DOCK5: variants seen among roughly 807,000 people sequenced by gnomAD.
DOCK5 encodes the protein dedicator of cytokinesis protein 5.
DOCK5 carries 142 observed loss-of-function variants against 251.8 expected under a neutral mutation model. The observed-to-expected ratio is 0.56, with a 90% CI of 0.49 to 0.65. The LOEUF (loss-of-function observed/expected upper bound fraction) is 0.65. Among genes scored for constraint, DOCK5 ranks in the 30% least tolerant of loss-of-function variants. The probability of loss-of-function intolerance (pLI) is 0.00; values close to 1 mark genes in which losing one functional copy is unlikely to be tolerated. For missense variants in DOCK5, 2,111 were observed against 2,312.3 expected (o/e 0.91, Z 1.79); for synonymous variants, 842 against 835.5 (o/e 1.01, Z -0.13).
chr8:25,395,602 C>T lies in DOCK5; in HGVS notation c.4587C>T (p.Ile1529=). 2 of 1,613,790 alleles carry T rather than the reference C, an allele frequency of 1.2e-6. No homozygotes were observed. ...CCATGGAGCTGACCAACGAGAGGAT[C>T]AGCAACTGTGTTCAGCAGCATGCCT... ...IETMELTNER[I]SNCVQQHAWD... is the part of the protein sequence containing the mutation. The change falls in exon 45 of 52, where the codon ATC becomes ATT. Residue 1529 remains isoleucine, a synonymous_variant. Transcript: ENST00000276440.
intron 2 of DOCK5, among the ~76,000 whole-genome samples, chr8:25,246,515 G>A (rs759650178): frequency 6.6e-6 from 1 of 152,172 alleles, no homozygotes; most frequent in African/African-American, 2.4e-5. Context: ...CTGACCTCAG[G>A]TGATCCGCCC....
chr8:25,389,855 C>G lies in DOCK5; in HGVS notation c.4274-351C>G, dbSNP rs554070649. 2.6e-5 allele frequency among the ~76,000 whole-genome samples: 4 copies of G among 152,238 alleles called. No homozygotes were observed. The East Asian group carries it at 7.7e-4, about 29-fold the overall frequency. On this transcript the variant is annotated intron_variant, in intron 41 of 51. Coordinates refer to ENST00000276440, the MANE Select transcript of DOCK5 (RefSeq NM_024940.8). Reference sequence around the variant, plus strand: ...AAAAGTAATTCTTGTTGCCTGGGCTCTGATTCTGGTGATTTCAGAGGGATG... The same window carrying G: ...AAAAGTAATTCTTGTTGCCTGGGCTGTGATTCTGGTGATTTCAGAGGGATG...
intron 14 of DOCK5, 78 bp from the exon 15 acceptor site, chr8:25,319,500 G>T: frequency 1.1e-6 from 1 of 938,670 alleles, no homozygotes; most frequent in African/African-American, 1.6e-5. Flanking sequence ...GGGGTGAGGG[G>T]CTTGTGCATG....
intron 16 of DOCK5, among the ~76,000 whole-genome samples, chr8:25,323,037 G>A (rs1445476728): frequency 6.6e-6 from 1 of 152,152 alleles, no homozygotes; most frequent in Non-Finnish European, 1.5e-5. Flanking sequence ...GGACCCAAGG[G>A]GCACAGCAGA....
At chr8:25,354,058 A>AG (rs1563213102) in intron 27 of DOCK5, among the ~76,000 whole-genome samples, 3 of 134,244 alleles carry the variant, frequency 2.2e-5, no homozygotes, top group African/African-American at 7.8e-5. Context: ...ACAAACAAAA[A>AG]AAAAAACGTA....
At chr8:25,281,832 T>C (rs2465001) in intron 5 of DOCK5, among the ~76,000 whole-genome samples, 17,137 of 148,240 alleles carry the variant, frequency 0.12, 1,230 homozygotes, top group East Asian at 0.21. Flanking sequence ...TGAGCCAAGA[T>C]TGTGCCATTG....
At chr8:25,368,827 C>A in intron 33 of DOCK5, 102 bp downstream of exon 33, 2 of 1,199,600 alleles carry the variant, frequency 1.7e-6, no homozygotes, top group Non-Finnish European at 2.2e-6. Flanking sequence ...TAATGCAAGT[C>A]CATGTTGATC....
intron 14 of DOCK5, among the ~76,000 whole-genome samples, chr8:25,318,483 C>A (rs1805324454): frequency 1.4e-5 from 2 of 146,938 alleles, no homozygotes; most frequent in East Asian, 2.0e-4. Context: ...TCTCCACTCC[C>A]CTCCCCCACT....
chr8:25,399,119 G>C (rs1247175740), intron 45 of DOCK5, among the ~76,000 whole-genome samples: 4 of 152,192 alleles, frequency 2.6e-5, no homozygotes, highest in African/African-American at 7.2e-5. Context: ...AAGAAAACAT[G>C]TCACTCCAAT....
At chr8:25,363,505 A>G (rs1800725293) in intron 29 of DOCK5, among the ~76,000 whole-genome samples, 1 of 152,222 alleles carries the variant, frequency 6.6e-6, no homozygotes, top group Non-Finnish European at 1.5e-5. Context: ...GTATTTAACC[A>G]GATTCTTCTT....
chr8:25,275,584 C>T (rs1804026919), intron 4 of DOCK5, 143 bp downstream of exon 4: 4 of 799,818 alleles, frequency 5.0e-6, no homozygotes, highest in African/African-American at 1.9e-5. Context: ...CCTGTAATCC[C>T]AGCACTTTGG....
In DOCK5 at chr8:25,325,477, A is replaced by C; in HGVS notation, c.1833A>C (p.Pro611=). 1 of 1,613,888 alleles carries C rather than the reference A, an allele frequency of 6.2e-7. No homozygotes were observed. Among genetic ancestry groups the C allele is most frequent in the Non-Finnish European group, 8.5e-7 (1 of 1,179,796 alleles). Residue 611 remains proline (P), a synonymous_variant, in exon 18 of 52, where the codon CCA becomes CCC. Coordinates refer to ENST00000276440, the MANE Select transcript of DOCK5 (RefSeq NM_024940.8). ...QASKNLVTFT[P]SKDSTKDSFQ... is the part of the protein sequence containing the mutation. ...CCAAAAACCTGGTCACCTTCACCCC[A>C]AGCAAGGATAGCACTAAAGACAGCT...
intron 21 of DOCK5, among the ~76,000 whole-genome samples, chr8:25,334,750 T>C (rs555707293): frequency 6.7e-6 from 1 of 149,492 alleles, no homozygotes; most frequent in Non-Finnish European, 1.5e-5. Context: ...CAATAACAAA[T>C]GACTCAACCC....
intron 37 of DOCK5, chr8:25,374,960 C>T: frequency 8.2e-7 from 1 of 1,213,898 alleles, no homozygotes; most frequent in Non-Finnish European, 1.0e-6. Context: ...TGTAAAACTG[C>T]AGAAAACTGC....
At chr8:25,258,471 G>A (rs1803479299) in intron 2 of DOCK5, among the ~76,000 whole-genome samples, 1 of 152,158 alleles carries the variant, frequency 6.6e-6, no homozygotes, top group Non-Finnish European at 1.5e-5. Context: ...GGTTACTGTG[G>A]AGCTAGGATG....
At chr8:25,259,718 C>T (rs1467454666) in intron 2 of DOCK5, among the ~76,000 whole-genome samples, 1 of 152,186 alleles carries the variant, frequency 6.6e-6, no homozygotes, top group Non-Finnish European at 1.5e-5. Context: ...GCCTTGGCCT[C>T]CCAAAGTGGT....
At chr8:25,408,433 A>G (rs1489169734) in intron 49 of DOCK5, among the ~76,000 whole-genome samples, 1 of 152,192 alleles carries the variant, frequency 6.6e-6, no homozygotes, top group African/African-American at 2.4e-5. Flanking sequence ...CTGTCCCCTG[A>G]GTCAATCCAA....
intron 2 of DOCK5, among the ~76,000 whole-genome samples, chr8:25,251,858 G>A (rs1432060224): frequency 6.6e-6 from 1 of 152,104 alleles, no homozygotes. Flanking sequence ...GCATGGTGGT[G>A]TGCACCCATA....
chr8:25,210,118 ATCT>A (rs1802102250), intron 1 of DOCK5, among the ~76,000 whole-genome samples: 3 of 51,506 alleles, frequency 5.8e-5, no homozygotes, highest in African/African-American at 1.3e-4. Flanking sequence ...CTATCTATCT[ATCT>A]ATCTATCTAT....
Sources: gnomAD v4.1 joint callset for allele counts (sites outside exome capture counted in the v4.1 genomes callset) on GRCh38, gnomAD v4.1.1 for gene constraint, MANE v1.5 for transcripts, NCBI Gene and HGNC (gene_info 2026-07-23, HGNC 2026-07-21) for gene names.